Variants in MAN1A1 observed in about 807,000 individuals in gnomAD.
MAN1A1 encodes mannosyl-oligosaccharide 1,2-alpha-mannosidase IA.
In MAN1A1, 29 loss-of-function variants were observed where a neutral mutation model predicts 70.8. The observed-to-expected ratio is 0.41, with a 90% confidence interval of 0.31 to 0.56. The LOEUF (loss-of-function observed/expected upper bound fraction) is 0.56, where lower values mean the gene tolerates loss of function less well. Ranked by LOEUF, MAN1A1 falls within the 20% of genes least tolerant of loss-of-function variation. MAN1A1 has a pLI of 0.29. For missense variants in MAN1A1, 747 were observed against 841.3 expected, an observed-to-expected ratio of 0.89 and a Z score of 1.39; for synonymous variants, 349 against 330.1, an observed-to-expected ratio of 1.06 and a Z score of -0.62.
chr6:119,244,188 C>A (rs192940278), intron 6 of MAN1A1, among the ~76,000 whole-genome samples: 2 of 151,958 alleles, frequency 1.3e-5, no homozygotes, highest in African/African-American at 2.4e-5. Context: ...CCTGATTTTA[C>A]AAATCACAGA....
chr6:119,186,694 T>C (rs1217808401), intron 11 of MAN1A1, among the ~76,000 whole-genome samples: 1 of 152,206 alleles, frequency 6.6e-6, no homozygotes, highest in Non-Finnish European at 1.5e-5. Flanking sequence ...GTCTCAAGTA[T>C]GCATCAGAAC....
intron 6 of MAN1A1, among the ~76,000 whole-genome samples, chr6:119,208,498 T>C (rs996504965): frequency 6.6e-6 from 1 of 152,244 alleles, no homozygotes; most frequent in African/African-American, 2.4e-5. Flanking sequence ...AATTTGAATG[T>C]AGTTTATTAA....
chr6:119,209,627 T>C (rs1388530486), intron 6 of MAN1A1, among the ~76,000 whole-genome samples: 1 of 152,234 alleles, frequency 6.6e-6, no homozygotes, highest in Non-Finnish European at 1.5e-5. Context: ...TCATCAACGA[T>C]TGCGTCATTT....
At chr6:119,203,306 G>A (rs1773767541) in intron 7 of MAN1A1, among the ~76,000 whole-genome samples, 1 of 152,104 alleles carries the variant, frequency 6.6e-6, no homozygotes, top group South Asian at 2.1e-4. Flanking sequence ...AAGAAGTGAG[G>A]GAGTAGGCCA....
At chr6:119,183,712 TC>T (rs1250907924) in intron 11 of MAN1A1, among the ~76,000 whole-genome samples, 9 of 152,128 alleles carry the variant, frequency 5.9e-5, no homozygotes, top group Admixed American at 5.9e-4. Flanking sequence ...CAATGCCTAA[TC>T]ACCTTTCTTT....
chr6:119,265,938 A>T (rs1214425339), intron 5 of MAN1A1, among the ~76,000 whole-genome samples: 1 of 152,258 alleles, frequency 6.6e-6, no homozygotes, highest in African/African-American at 2.4e-5. Context: ...TAAAAGGTTA[A>T]TATAGAAAAT....
At chr6:119,332,072 C>T (rs928544068) in intron 2 of MAN1A1, 12 of 416,970 alleles carry the variant, frequency 2.9e-5, no homozygotes, top group Admixed American at 5.6e-5. Context: ...ACTTGTTGTT[C>T]TGAGAATTTA....
chr6:119,203,123 T>C (rs1773761976), intron 7 of MAN1A1, among the ~76,000 whole-genome samples: 1 of 152,204 alleles, frequency 6.6e-6, no homozygotes, highest in Non-Finnish European at 1.5e-5. Context: ...CAGTTTGATC[T>C]TGGATTTCCC....
chr6:119,225,614 A>G (rs147586537), intron 6 of MAN1A1, among the ~76,000 whole-genome samples: 1 of 152,334 alleles, frequency 6.6e-6, no homozygotes, highest in East Asian at 1.9e-4. Context: ...ATAGCCAAAG[A>G]TAATGAGAAA....
intron 6 of MAN1A1, among the ~76,000 whole-genome samples, chr6:119,230,093 G>A (rs1340064242): frequency 6.6e-6 from 1 of 152,080 alleles, no homozygotes; most frequent in Admixed American, 6.5e-5. Context: ...CCAATTCCAG[G>A]AGACCAACCA....
chr6:119,263,129 T>C (rs1775655836), intron 5 of MAN1A1, among the ~76,000 whole-genome samples: 1 of 152,184 alleles, frequency 6.6e-6, no homozygotes, highest in South Asian at 2.1e-4. Flanking sequence ...TCCTTGCTCC[T>C]TATCTTGCAG....
Position 119,204,861 on chromosome 6 carries a change from G to A in MAN1A1, c.1014C>T (p.Pro338=), listed in dbSNP as rs769673352. ...NMKSGIGRNW[P]WASGGSSILA... ...GAATACTGCTGCCTCCAGAGGCCCA[G>A]GGCCAGTTCCTTCCAATACCACTAA... The change falls in exon 7 of 13, where the codon CCC becomes CCT. Residue 338 remains proline (P), a synonymous_variant. Coordinates refer to ENST00000368468, the MANE Select transcript of MAN1A1 (RefSeq NM_005907.4). 1 of 1,613,846 alleles carries A rather than the reference G, an allele frequency of 6.2e-7. No homozygotes were observed. Among genetic ancestry groups the A allele is most frequent in the Non-Finnish European group, 8.5e-7 (1 of 1,179,868 alleles).
intron 6 of MAN1A1, among the ~76,000 whole-genome samples, chr6:119,227,317 C>T (rs755417244): frequency 2.6e-5 from 4 of 152,080 alleles, no homozygotes; most frequent in East Asian, 3.9e-4. Flanking sequence ...TTGTGAGTAA[C>T]GAAAAGTTGT....
chr6:119,324,888 T>C (rs195056), intron 2 of MAN1A1, among the ~76,000 whole-genome samples: 107,944 of 151,944 alleles, frequency 0.71, 38,810 homozygotes, highest in African/African-American at 0.79. Context: ...GAGGGCAGCC[T>C]TGTGCATTTT....
chr6:119,303,692 C>T (rs1328879256), intron 3 of MAN1A1, among the ~76,000 whole-genome samples: 1 of 152,144 alleles, frequency 6.6e-6, no homozygotes, highest in Non-Finnish European at 1.5e-5. Context: ...ACTTCAGAGA[C>T]TACCTCAAGG....
At chr6:119,186,199 A>AT (rs1773287765) in intron 11 of MAN1A1, among the ~76,000 whole-genome samples, 1 of 152,164 alleles carries the variant, frequency 6.6e-6, no homozygotes, top group Admixed American at 6.5e-5. Context: ...TAGGTGATAC[A>AT]TTCCCCTTTG....
intron 9 of MAN1A1, among the ~76,000 whole-genome samples, chr6:119,192,149 T>A (rs1035194356): frequency 6.6e-6 from 1 of 152,206 alleles, no homozygotes; most frequent in Non-Finnish European, 1.5e-5. Context: ...AATAATATTT[T>A]AAAGCTGTCT....
intron 6 of MAN1A1, among the ~76,000 whole-genome samples, chr6:119,216,857 T>C (rs548357848): frequency 6.6e-6 from 1 of 152,366 alleles, no homozygotes; most frequent in South Asian, 2.1e-4. Flanking sequence ...TGTTGTTGTA[T>C]ACTGTGTTTG....
rs751732416 is a variant in MAN1A1 at position 119,306,996 on chromosome 6, A to G, written c.604-4T>C. On this transcript the variant is annotated splice_polypyrimidine_tract_variant and splice_region_variant and intron_variant, in intron 2 of 12. Coordinates refer to ENST00000368468, the MANE Select transcript of MAN1A1 (RefSeq NM_005907.4). ...TATTCCAAGCATGTTTCATCATCTG[A>G]AAAAAAAAATAAAAACAGGATTATA... The G allele has an allele frequency of 2.9e-6, 4 of 1,381,498 alleles. No individual in the cohort carries two copies. The Admixed American group carries it at 5.6e-5, about 19-fold the overall frequency. 85.6% of individuals were successfully genotyped at this position (1,381,498 alleles called of 1,614,324 possible). A position where few individuals can be genotyped will look rare whatever the true frequency, so the allele number is the denominator to read the frequency against.
Sources: gnomAD v4.1 joint callset for allele counts (sites outside exome capture counted in the v4.1 genomes callset) on GRCh38, gnomAD v4.1.1 for gene constraint, MANE v1.5 for transcripts, NCBI Gene and HGNC (gene_info 2026-07-23, HGNC 2026-07-21) for gene names.